Variants in TRAIP observed in about 807,000 individuals in gnomAD.
TRAIP encodes the protein E3 ubiquitin-protein ligase TRAIP.
Under a neutral mutation model 65.0 loss-of-function variants are expected in TRAIP, and 37 were observed. The ratio of observed to expected loss-of-function variants is 0.57; its 90% CI spans 0.44 to 0.75. The LOEUF is 0.75. Ranked by LOEUF, TRAIP falls within the 30% of genes least tolerant of loss-of-function variation. TRAIP has a pLI of 0.00. For missense variants in TRAIP, 481 were observed against 579.4 expected (o/e 0.83, Z 1.74); for synonymous variants, 187 against 219.1 (o/e 0.85, Z 1.29).
At chr3:49,834,549 G>A (rs1406282338) in intron 10 of TRAIP, among the ~76,000 whole-genome samples, 1 of 152,234 alleles carries the variant, frequency 6.6e-6, no homozygotes, top group Non-Finnish European at 1.5e-5. Flanking sequence ...TAGGCAGTTA[G>A]GCTGCTGCCC....
At chr3:49,830,959 T>C (rs1231054318) in intron 11 of TRAIP, among the ~76,000 whole-genome samples, 1 of 152,212 alleles carries the variant, frequency 6.6e-6, no homozygotes, top group Non-Finnish European at 1.5e-5. Flanking sequence ...GGTGGAAATG[T>C]CTCTGAAAGG....
At chr3:49,840,889 G>C in intron 8 of TRAIP, 96 bp downstream of exon 8, 1 of 1,153,820 alleles carries the variant, frequency 8.7e-7, no homozygotes, top group African/African-American at 1.5e-5. Context: ...GGAGTCAGCT[G>C]TGCCATCAGG....
In TRAIP at chr3:49,841,047, G is replaced by T; in HGVS notation, c.643C>A (p.Arg215=). Residue 215 remains arginine, a synonymous_variant, in exon 8 of 15, where the codon CGG becomes AGG. Transcript: ENST00000331456. ...KKEYENLKEA[R]KASGEVADKL... Reference sequence around the variant, plus strand: ...TCAGCCACCTCCCCTGAGGCCTTCCGTGCCTCTTTTAGATTCTCGTACTCT... The same window carrying T: ...TCAGCCACCTCCCCTGAGGCCTTCCTTGCCTCTTTTAGATTCTCGTACTCT... 1 of 1,614,104 alleles carries T rather than the reference G, an allele frequency of 6.2e-7. No individual in the cohort carries two copies. The highest frequency in any genetic ancestry group is 8.5e-7 in the Non-Finnish European group (1 of 1,180,000).
At chr3:49,844,847 G>C (rs2081868653) in intron 3 of TRAIP, among the ~76,000 whole-genome samples, 1 of 152,262 alleles carries the variant, frequency 6.6e-6, no homozygotes, top group Non-Finnish European at 1.5e-5. Context: ...AATAGTGGAA[G>C]GGAAGTTAAA....
chr3:49,844,465 C>T (rs908552664), intron 4 of TRAIP, 76 bp downstream of exon 4: 7 of 1,554,560 alleles, frequency 4.5e-6, no homozygotes, highest in Non-Finnish European at 6.2e-6. Context: ...CGGTTTGAAA[C>T]CTTCCTCCTA....
At chr3:49,842,025 G>T in intron 6 of TRAIP, 86 bp from the exon 7 acceptor site, 1 of 1,080,162 alleles carries the variant, frequency 9.3e-7, no homozygotes, top group Non-Finnish European at 1.4e-6. Context: ...CTTTGCTGCC[G>T]TTGCTAAGGT....
At chr3:49,835,421 G>A (rs1172114089) in intron 10 of TRAIP, among the ~76,000 whole-genome samples, 2 of 152,174 alleles carry the variant, frequency 1.3e-5, no homozygotes, top group Admixed American at 1.3e-4. Flanking sequence ...AGGAGAAAGG[G>A]GAAAGGGGAG....
Position 49,829,526 on chromosome 3 carries a change from G to A in TRAIP, c.1237-18C>T. ...GTCCTTACCTAGGGTGGAAGGAAGA[G>A]ATGAGTGGGCCAGGCTAATGGGCTG... On this transcript the variant is annotated intron_variant, in intron 13 of 14. Coordinates refer to ENST00000331456, the MANE Select transcript of TRAIP (RefSeq NM_005879.3). 5.0e-6 allele frequency: 8 copies of A among 1,614,180 alleles called. No homozygotes were observed. Among genetic ancestry groups the A allele is most frequent in the Non-Finnish European group, 6.8e-6 (8 of 1,180,032 alleles).
intron 10 of TRAIP, among the ~76,000 whole-genome samples, chr3:49,834,315 T>A (rs2081762169): frequency 6.6e-6 from 1 of 151,844 alleles, no homozygotes; most frequent in Non-Finnish European, 1.5e-5. Flanking sequence ...CTGCAACAAG[T>A]AGAAGGGGCA....
At chr3:49,832,513 AAATTT>A (rs1471064558) in intron 10 of TRAIP, among the ~76,000 whole-genome samples, 1 of 146,176 alleles carries the variant, frequency 6.8e-6, no homozygotes, top group Non-Finnish European at 1.5e-5. Context: ...AAAAAAGTTT[AAATTT>A]AATTTAATTT....
chr3:49,844,635 G>T (rs899997301), intron 3 of TRAIP, 55 bp from the exon 4 acceptor site: 12 of 1,606,390 alleles, frequency 7.5e-6, no homozygotes, highest in South Asian at 1.1e-5. Flanking sequence ...TGACCTCCAC[G>T]TGGTCTCCCA....
At chr3:49,847,686 G>T in intron 2 of TRAIP, 78 bp from the exon 3 acceptor site, 2 of 959,464 alleles carry the variant, frequency 2.1e-6, no homozygotes, top group Non-Finnish European at 3.2e-6. Context: ...ACATGGGTCT[G>T]ACTACCTGCC....
intron 11 of TRAIP, among the ~76,000 whole-genome samples, chr3:49,831,015 C>T (rs150188636): frequency 1.3e-5 from 2 of 152,320 alleles, no homozygotes; most frequent in East Asian, 1.9e-4. Flanking sequence ...ACCTTTACAG[C>T]GGAAGAAGGG....
intron 10 of TRAIP, among the ~76,000 whole-genome samples, chr3:49,833,450 T>C (rs1333102489): frequency 1.3e-5 from 2 of 152,042 alleles, no homozygotes; most frequent in South Asian, 2.1e-4. Flanking sequence ...ATCTGGATCA[T>C]ATGGACACAT....
At chr3:49,842,625 TC>T (rs2081849128) in intron 5 of TRAIP, 78 bp from the exon 6 acceptor site, 4 of 1,316,772 alleles carry the variant, frequency 3.0e-6, no homozygotes, top group Non-Finnish European at 4.3e-6. Flanking sequence ...AAAACTCTGC[TC>T]CAGAACTCTC....
chr3:49,850,106 C>T (rs1054924317), intron 1 of TRAIP, among the ~76,000 whole-genome samples: 1 of 152,016 alleles, frequency 6.6e-6, no homozygotes, highest in Admixed American at 6.6e-5. Flanking sequence ...AATGAGTCTA[C>T]AGCTAAGAAC....
chr3:49,839,886 G>T, intron 9 of TRAIP, 26 bp from the exon 10 acceptor site: 1 of 1,609,740 alleles, frequency 6.2e-7, no homozygotes, highest in South Asian at 1.1e-5. Flanking sequence ...AAAAGTGTGT[G>T]AGAGAAAGGC....
intron 10 of TRAIP, among the ~76,000 whole-genome samples, chr3:49,837,019 G>A (rs2081795295): frequency 2.8e-5 from 4 of 142,684 alleles, no homozygotes; most frequent in South Asian, 4.4e-4. Context: ...GTGCAGTGGC[G>A]TGATCATCAC....
Position 49,829,021 on chromosome 3 carries a change from C to G in TRAIP, c.*82G>C. ...TCAGGCTGGTCCCGAAAGTGGGGCT[C>G]TGTCCACAAAACCCCTGCCTGGACA... On this transcript the variant is annotated 3_prime_UTR_variant, in exon 15 of 15. Transcript: ENST00000331456. 6.3e-7 allele frequency: 1 copy of G among 1,598,874 alleles called. No individual in the cohort carries two copies. The highest frequency in any genetic ancestry group is 8.6e-7 in the Non-Finnish European group (1 of 1,168,368).
Sources: allele counts gnomAD v4.1 joint callset (sites outside exome capture counted in the v4.1 genomes callset), GRCh38; gene constraint gnomAD v4.1.1; transcripts MANE v1.5; gene names NCBI Gene and HGNC (gene_info 2026-07-23, HGNC 2026-07-21).